The following EXOC6B variants were observed in gnomAD, a reference collection of about 807,000 sequenced individuals.
EXOC6B encodes exocyst complex component 6B, also known as SEC15 homolog B.
EXOC6B carries 54 observed loss-of-function variants against 113.5 expected under a neutral mutation model. That is an observed-to-expected ratio of 0.48 (90% confidence interval 0.38 to 0.60). The LOEUF is 0.60. Ranked by LOEUF, EXOC6B falls within the 20% of genes least tolerant of loss-of-function variation. The pLI is 0.00. For missense variants in EXOC6B, 797 were observed against 977.5 expected, an observed-to-expected ratio of 0.82 and a Z score of 2.46; for synonymous variants, 357 against 339.0, an observed-to-expected ratio of 1.05 and a Z score of -0.58.
chr2:72,766,604 GT>G (rs1457431666), intron 1 of EXOC6B, among the ~76,000 whole-genome samples: 1 of 152,034 alleles, frequency 6.6e-6, no homozygotes, highest in East Asian at 1.9e-4. Context: ...CCAGAACTGG[GT>G]TTTTAAAATT....
intron 20 of EXOC6B, among the ~76,000 whole-genome samples, chr2:72,220,377 A>G (rs903134794): frequency 5.9e-5 from 9 of 152,156 alleles, no homozygotes; most frequent in African/African-American, 2.2e-4. Context: ...TAGAAAATAC[A>G]GGAAGGAGGG....
At chr2:72,613,115 G>T (rs901293387) in intron 6 of EXOC6B, among the ~76,000 whole-genome samples, 5 of 152,150 alleles carry the variant, frequency 3.3e-5, no homozygotes, top group South Asian at 2.1e-4. Flanking sequence ...TAAATATTTC[G>T]ATGTATTTTT....
chr2:72,555,675 C>A (rs1222467951), intron 8 of EXOC6B, among the ~76,000 whole-genome samples: 1 of 152,098 alleles, frequency 6.6e-6, no homozygotes, highest in Admixed American at 6.6e-5. Context: ...GAGTGAGTCC[C>A]CAGCTTTGTT....
intron 1 of EXOC6B, among the ~76,000 whole-genome samples, chr2:72,823,459 G>GAAAAAAGAAAAAAA (rs1686693497): frequency 7.1e-5 from 5 of 70,030 alleles, no homozygotes; most frequent in African/African-American, 3.3e-4. Context: ...AAAGTTTTAA[G>GAAAAAAGAAAAAAA]AAAAAAAAAA....
intron 11 of EXOC6B, among the ~76,000 whole-genome samples, chr2:72,504,499 T>C (rs1161230572): frequency 6.6e-6 from 1 of 152,220 alleles, no homozygotes; most frequent in East Asian, 1.9e-4. Context: ...GTTATTTTCA[T>C]GCTCTCTAGT....
At chr2:72,299,088 C>G (rs930267001) in intron 20 of EXOC6B, among the ~76,000 whole-genome samples, 1 of 151,984 alleles carries the variant, frequency 6.6e-6, no homozygotes, top group Non-Finnish European at 1.5e-5. Flanking sequence ...TTTTCCAGCT[C>G]GGTTCCATTC....
chr2:72,684,220 C>T (rs1032934486), intron 6 of EXOC6B, among the ~76,000 whole-genome samples: 1 of 152,184 alleles, frequency 6.6e-6, no homozygotes, highest in South Asian at 2.1e-4. Context: ...AGCCACCGTG[C>T]CAGACTGCAA....
chr2:72,309,460 CATA>C, intron 20 of EXOC6B, among the ~76,000 whole-genome samples: 1 of 152,254 alleles, frequency 6.6e-6, no homozygotes, highest in East Asian at 1.9e-4. Context: ...GACACTAAAT[CATA>C]ATAGCATCTA....
chr2:72,753,997 G>A (rs908395067), intron 1 of EXOC6B, among the ~76,000 whole-genome samples: 2 of 151,986 alleles, frequency 1.3e-5, no homozygotes, highest in African/African-American at 2.4e-5. Context: ...AGGCTCAATC[G>A]ATCCTCCTGC....
At chr2:72,806,538 GT>G (rs1234927922) in intron 1 of EXOC6B, among the ~76,000 whole-genome samples, 1 of 152,072 alleles carries the variant, frequency 6.6e-6, no homozygotes, top group Non-Finnish European at 1.5e-5. Context: ...TTTCCTTTAG[GT>G]ATATACCCAG....
At chr2:72,706,250 T>C (rs148174174) in intron 6 of EXOC6B, among the ~76,000 whole-genome samples, 1,986 of 152,234 alleles carry the variant, frequency 0.013, 23 homozygotes, top group Middle Eastern at 0.024. Context: ...CACTTTCCAA[T>C]GAAATACTTT....
At chr2:72,462,472 A>G (rs1202567384) in intron 18 of EXOC6B, 2 of 151,922 alleles carry the variant, frequency 1.3e-5, no homozygotes, top group East Asian at 3.9e-4. Flanking sequence ...ATTTTTTTTA[A>G]TTTTTAATTT....
chr2:72,755,482 A>G (rs1352950169), intron 1 of EXOC6B, among the ~76,000 whole-genome samples: 2 of 152,180 alleles, frequency 1.3e-5, no homozygotes, highest in Non-Finnish European at 2.9e-5. Flanking sequence ...GAGCCAAAGC[A>G]GTGCCCAAAA....
intron 20 of EXOC6B, among the ~76,000 whole-genome samples, chr2:72,296,874 C>T (rs1056497048): frequency 1.3e-5 from 2 of 152,136 alleles, no homozygotes; most frequent in Admixed American, 6.5e-5. Context: ...ACTATTCCTT[C>T]GGTGCTATTC....
chr2:72,511,673 AT>A (rs1700906997), intron 11 of EXOC6B, among the ~76,000 whole-genome samples: 1 of 152,266 alleles, frequency 6.6e-6, no homozygotes, highest in South Asian at 2.1e-4. Flanking sequence ...TACGTAACAC[AT>A]TCCATTCAGC....
intron 6 of EXOC6B, among the ~76,000 whole-genome samples, chr2:72,687,288 T>C (rs1291276648): frequency 6.6e-6 from 1 of 152,240 alleles, no homozygotes. Flanking sequence ...AAATTGTTAA[T>C]GACTGGGGCA....
chr2:72,543,346 T>C (rs1432656871), intron 8 of EXOC6B, among the ~76,000 whole-genome samples: 1 of 152,180 alleles, frequency 6.6e-6, no homozygotes, highest in African/African-American at 2.4e-5. Flanking sequence ...GGGTGTTACA[T>C]GGAAAATGAA....
chr2:72,291,123 T>C (rs1243970056), intron 20 of EXOC6B, among the ~76,000 whole-genome samples: 1 of 152,198 alleles, frequency 6.6e-6, no homozygotes, highest in Non-Finnish European at 1.5e-5. Context: ...CCAGCTTTTA[T>C]AGACAAAGAA....
At position 72,475,451 on chromosome 2, in the gene EXOC6B, G is replaced by A. The variant is rs181481888; in HGVS notation, c.1800+5165C>T. Among the ~76,000 whole-genome samples the A allele has an allele frequency of 5.4e-3, 817 of 152,282 alleles. 8 individuals are homozygous for A. Among genetic ancestry groups the A allele is most frequent in the African/African-American group, 0.019 (781 of 41,554 alleles). ...ATGCAGGTAGGTGCCAGCTGTGGTA[G>A]TAGCAGTCATGTGGGTAGGCCCGAC... On this transcript the variant is annotated intron_variant, in intron 17 of 21. Transcript: ENST00000272427.
Sources: gnomAD v4.1 joint callset for allele counts (sites outside exome capture counted in the v4.1 genomes callset) on GRCh38, gnomAD v4.1.1 for gene constraint, MANE v1.5 for transcripts, NCBI Gene and HGNC (gene_info 2026-07-23, HGNC 2026-07-21) for gene names.